The following SMIM35 variants were observed in gnomAD, a reference collection of about 807,000 sequenced individuals.
SMIM35 encodes small integral membrane protein 35.
At chr11:118,079,371 C>G (rs1944953182) in intron 1 of SMIM35, among the ~76,000 whole-genome samples, 1 of 152,078 alleles carries the variant, frequency 6.6e-6, no homozygotes, top group African/African-American at 2.4e-5. Context: ...GTCCTTTGAG[C>G]TGCTGCGTCT....
intron 1 of SMIM35, among the ~76,000 whole-genome samples, chr11:118,026,358 G>A (rs117704689): frequency 4.7e-4 from 71 of 152,280 alleles, no homozygotes; most frequent in Non-Finnish European, 9.4e-4. Flanking sequence ...CTATACTGAG[G>A]TGGGCCAATC....
At chr11:118,039,483 G>A (rs140097459) in intron 1 of SMIM35, among the ~76,000 whole-genome samples, 277 of 152,216 alleles carry the variant, frequency 1.8e-3, no homozygotes, top group Middle Eastern at 0.01. Context: ...GCTGAGGTGG[G>A]TAGATCATTT....
chr11:118,034,391 TATATTCC>T (rs2058342449), intron 1 of SMIM35, among the ~76,000 whole-genome samples: 1 of 152,220 alleles, frequency 6.6e-6, no homozygotes, highest in Non-Finnish European at 1.5e-5. Context: ...TGTCTCAATT[TATATTCC>T]AAAAACTCAC....
chr11:118,039,489 C>A (rs1057489117), intron 1 of SMIM35, among the ~76,000 whole-genome samples: 1 of 152,004 alleles, frequency 6.6e-6, no homozygotes, highest in Non-Finnish European at 1.5e-5. Context: ...GTGGGTAGAT[C>A]ATTTGAGCCC....
At chr11:118,077,431 C>T (rs1385291148) in intron 1 of SMIM35, 17 of 1,193,920 alleles carry the variant, frequency 1.4e-5, no homozygotes, top group Non-Finnish European at 2.0e-5. Flanking sequence ...AAAAAAGAGG[C>T]CACACCCAAA....
At chr11:118,037,142 G>C (rs1231819632) in intron 1 of SMIM35, among the ~76,000 whole-genome samples, 2 of 152,192 alleles carry the variant, frequency 1.3e-5, no homozygotes, top group African/African-American at 4.8e-5. Context: ...TGCTGTTGGG[G>C]AGGTTGGCCA....
intron 1 of SMIM35, among the ~76,000 whole-genome samples, chr11:118,035,567 G>A (rs117083922): frequency 0.04 from 6,040 of 152,270 alleles, 197 homozygotes; most frequent in East Asian, 0.19. Context: ...AAGGACCTGC[G>A]TGGGTGGGGC....
chr11:118,083,127 G>T (rs1006045600), intron 1 of SMIM35, among the ~76,000 whole-genome samples: 2 of 152,062 alleles, frequency 1.3e-5, no homozygotes. Flanking sequence ...CCTGGCCCTC[G>T]TCTGCCACAG....
chr11:118,056,288 G>A (rs1944308035), intron 1 of SMIM35, among the ~76,000 whole-genome samples: 1 of 152,192 alleles, frequency 6.6e-6, no homozygotes, highest in African/African-American at 2.4e-5. Flanking sequence ...ATGGGAGCCT[G>A]ACCCAGGGCA....
intron 1 of SMIM35, among the ~76,000 whole-genome samples, chr11:118,083,686 C>G (rs1194908844): frequency 6.6e-6 from 1 of 152,154 alleles, no homozygotes; most frequent in African/African-American, 2.4e-5. Context: ...ACTGCTAGGT[C>G]TCCAGGGCCC....
chr11:118,083,244 G>A (rs765905316), intron 1 of SMIM35, among the ~76,000 whole-genome samples: 2 of 152,146 alleles, frequency 1.3e-5, no homozygotes, highest in Admixed American at 6.5e-5. Flanking sequence ...AACTTCCCCC[G>A]TTCCTCCTAG....
intron 1 of SMIM35, among the ~76,000 whole-genome samples, chr11:118,070,397 G>A (rs1187319259): frequency 2.0e-5 from 3 of 152,254 alleles, no homozygotes; most frequent in South Asian, 2.1e-4. Flanking sequence ...GGCTGGTCTC[G>A]AACTCCTGAC....
rs927194711 is a variant in SMIM35, at chr11:118,051,849, AATACTAATACTAATACT to A, written c.7+34885_7+34901del. Among the ~76,000 whole-genome samples the A allele has an allele frequency of 1.9e-4, 29 of 152,034 alleles. No individual in the cohort carries two copies. In the South Asian group the frequency reaches 5.2e-3, roughly 27 times the overall value. On this transcript the variant is annotated intron_variant, in intron 1 of 4. Transcript: ENST00000689828. ...TGATACTAATACTAATACTAATACT[AATACTAATACTAATACT>A]ATACTAATACTAATACTCTTGGGTT...
intron 1 of SMIM35, among the ~76,000 whole-genome samples, chr11:118,050,287 T>A (rs1944189824): frequency 6.6e-6 from 1 of 152,228 alleles, no homozygotes. Flanking sequence ...CCAGGCAGCA[T>A]CCCAGGCACA....
At chr11:118,077,467 C>T (rs1944746914) in intron 1 of SMIM35, among the ~76,000 whole-genome samples, 1 of 152,320 alleles carries the variant, frequency 6.6e-6, no homozygotes, top group South Asian at 2.1e-4. Context: ...GCCCGGTACA[C>T]GTCTCATACC....
chr11:118,070,187 CT>C (rs1003447970), intron 1 of SMIM35, among the ~76,000 whole-genome samples: 1 of 151,514 alleles, frequency 6.6e-6, no homozygotes, highest in African/African-American at 2.4e-5. Context: ...TTTTCCTTTT[CT>C]TTTTTTTGAG....
rs1203387394 is a variant in SMIM35, at chr11:118,086,916, GAGCACTGTGGCCGGGCCCCACTCTGCA to G, written c.-186_-160del. 1 of 152,492 alleles carries G rather than the reference GAGCACTGTGGCCGGGCCCCACTCTGCA, an allele frequency of 6.6e-6. No homozygotes were observed. Among genetic ancestry groups the G allele is most frequent in the Non-Finnish European group, 1.5e-5 (1 of 68,106 alleles). The allele number at this position is 152,492 out of a possible 1,614,324, so 9.4% of individuals were successfully genotyped here. On this transcript the variant is annotated 5_prime_UTR_variant, in exon 1 of 5. Transcript: ENST00000689828. ...AGAGCAGAGTGAGGCTCCCTCAGAG[GAGCACTGTGGCCGGGCCCCACTCTGCA>G]AGCTGACGGCAAGCACCTCTGGGTC...
intron 1 of SMIM35, among the ~76,000 whole-genome samples, chr11:118,032,564 C>A (rs567146947): frequency 6.6e-6 from 1 of 152,204 alleles, no homozygotes; most frequent in Non-Finnish European, 1.5e-5. Flanking sequence ...TTTATATCTT[C>A]CTGCATAGTT....
At chr11:118,060,356 C>A (rs1181732702) in intron 1 of SMIM35, among the ~76,000 whole-genome samples, 1 of 152,232 alleles carries the variant, frequency 6.6e-6, no homozygotes, top group East Asian at 1.9e-4. Context: ...TCCCACCTCC[C>A]CACACACCTC....
Sources: gnomAD v4.1 joint callset for allele counts (sites outside exome capture counted in the v4.1 genomes callset) on GRCh38, gnomAD v4.1.1 for gene constraint, MANE v1.5 for transcripts, NCBI Gene and HGNC (gene_info 2026-07-23, HGNC 2026-07-21) for gene names.